Variants in PALLD observed in about 807,000 individuals in gnomAD.
The protein encoded by PALLD is palladin.
Under a neutral mutation model 123.5 loss-of-function variants are expected in PALLD, and 61 were observed. That is an observed-to-expected ratio of 0.49 (90% confidence interval 0.40 to 0.61). The LOEUF (loss-of-function observed/expected upper bound fraction) is 0.61. Ranked by LOEUF, PALLD falls within the 20% of genes least tolerant of loss-of-function variation. The pLI is 0.00. For synonymous variants in PALLD, 465 were observed against 496.4 expected (o/e 0.94, Z 0.84); for missense variants, 1,273 against 1,377.0 (o/e 0.92, Z 1.20).
In PALLD at chr4:168,711,672, A is replaced by G; in HGVS notation, c.1713A>G (p.Thr571=). Residue 571 remains threonine, a synonymous_variant, in exon 10 of 22, where the codon ACA becomes ACG. Transcript: ENST00000505667. ...HFPPPPPILE[T]SSLELASKKP... ...CACCTCCCCCTCCAATCTTGGAGACAAGTTCCTTGGAGTTGGCTTCAAAGA... is the reference window on the plus strand; with the variant it reads ...CACCTCCCCCTCCAATCTTGGAGACGAGTTCCTTGGAGTTGGCTTCAAAGA... 6.2e-7 allele frequency: 1 copy of G among 1,614,060 alleles called. No homozygotes were observed. The highest frequency in any genetic ancestry group is 8.5e-7 in the Non-Finnish European group (1 of 1,179,958).
intron 10 of PALLD, among the ~76,000 whole-genome samples, chr4:168,753,426 T>G (rs771920912): frequency 2.6e-5 from 4 of 151,012 alleles, no homozygotes; most frequent in African/African-American, 4.9e-5. Context: ...TGCTTCTGAG[T>G]TGGGAGGGAT....
intron 2 of PALLD, among the ~76,000 whole-genome samples, chr4:168,539,315 C>T (rs545305396): frequency 1.3e-5 from 2 of 152,212 alleles, no homozygotes; most frequent in Admixed American, 1.3e-4. Flanking sequence ...CCTGCCCGGG[C>T]GCGGTGGCTC....
At chr4:168,541,756 C>T (rs1561227088) in intron 2 of PALLD, among the ~76,000 whole-genome samples, 1 of 152,212 alleles carries the variant, frequency 6.6e-6, no homozygotes, top group East Asian at 1.9e-4. Context: ...CCCAGCCTCT[C>T]TTACTCATTT....
At chr4:168,800,264 A>G (rs1454377302) in intron 10 of PALLD, among the ~76,000 whole-genome samples, 1 of 152,216 alleles carries the variant, frequency 6.6e-6, no homozygotes, top group Non-Finnish European at 1.5e-5. Context: ...AGTAGTTCAA[A>G]TAAAAAAATT....
At chr4:168,685,410 T>C in intron 5 of PALLD, 75 bp from the exon 6 acceptor site, 13 of 917,684 alleles carry the variant, frequency 1.4e-5, no homozygotes, top group Non-Finnish European at 2.2e-5. Flanking sequence ...ATCCCCATAA[T>C]GAAAGGTTTC....
chr4:168,534,903 C>G (rs1764953576), intron 2 of PALLD, among the ~76,000 whole-genome samples: 1 of 152,160 alleles, frequency 6.6e-6, no homozygotes, highest in Non-Finnish European at 1.5e-5. Context: ...CTAATACAAC[C>G]TAATACAACC....
At chr4:168,536,127 A>C (rs963391560) in intron 2 of PALLD, among the ~76,000 whole-genome samples, 9 of 152,210 alleles carry the variant, frequency 5.9e-5, no homozygotes. Context: ...TCATTTTAAT[A>C]ATCTAATTAT....
intron 2 of PALLD, among the ~76,000 whole-genome samples, chr4:168,548,068 CCTT>C (rs1766348332): frequency 6.6e-6 from 1 of 152,020 alleles, no homozygotes; most frequent in African/African-American, 2.4e-5. Context: ...AAAAAAGTCT[CCTT>C]CAGGCTCAGC....
intron 3 of PALLD, 57 bp downstream of exon 3, chr4:168,668,425 C>T (rs1401488979): frequency 7.1e-7 from 1 of 1,414,090 alleles, no homozygotes; most frequent in Non-Finnish European, 9.6e-7. Context: ...CTAATGACTC[C>T]AGTATCTTGG....
At chr4:168,758,738 T>C (rs1269310669) in intron 10 of PALLD, among the ~76,000 whole-genome samples, 1 of 152,112 alleles carries the variant, frequency 6.6e-6, no homozygotes, top group Non-Finnish European at 1.5e-5. Flanking sequence ...TTTAAATGTT[T>C]TAGAATGGTT....
At position 168,844,461 on chromosome 4, in the gene PALLD, AT is replaced by A. The variant is rs1162785490; in HGVS notation, c.1965-46458del. On this transcript the variant is annotated intron_variant, in intron 10 of 21. Coordinates refer to ENST00000505667, the MANE Select transcript of PALLD (RefSeq NM_001166108.2). The surrounding 1 kb of genome is among the most constrained non-coding windows in gnomAD (Gnocchi z 4.5). The stretch of plus-strand genomic sequence containing the variant: ...GTGGGGAACCCCACAAGCCTTGAGA[AT>A]TTCAAGAATTTGTGGATTTCAGAAT... 3 of 152,262 alleles carry A rather than the reference AT, an allele frequency of 2.0e-5. No homozygotes were observed. The East Asian group carries it at 5.8e-4, about 29-fold the overall frequency. 9.4% of individuals were successfully genotyped at this position (152,262 alleles called of 1,614,324 possible). A position where few individuals can be genotyped will look rare whatever the true frequency, so the allele number is the denominator to read the frequency against.
intron 10 of PALLD, among the ~76,000 whole-genome samples, chr4:168,722,176 C>T (rs1042144127): frequency 4.6e-5 from 7 of 152,160 alleles, no homozygotes; most frequent in Non-Finnish European, 1.0e-4. Flanking sequence ...TCCCAAGTAG[C>T]TGGGACTACA....
At chr4:168,785,260 G>A (rs1736547174) in intron 10 of PALLD, among the ~76,000 whole-genome samples, 1 of 152,056 alleles carries the variant, frequency 6.6e-6, no homozygotes, top group East Asian at 1.9e-4. Flanking sequence ...TGCTAGCTAT[G>A]TGTGTGAATG....
chr4:168,828,832 T>A lies in PALLD; in HGVS notation c.1965-62090T>A, dbSNP rs562883248. ...GGCCTAAAGCAGAGACTCTGGCAGATACAGCCAGCGAAGCTGGAGGGAGTT... is the reference window on the plus strand; with the variant it reads ...GGCCTAAAGCAGAGACTCTGGCAGAAACAGCCAGCGAAGCTGGAGGGAGTT... On this transcript the variant is annotated intron_variant, in intron 10 of 21. Coordinates refer to ENST00000505667, the MANE Select transcript of PALLD (RefSeq NM_001166108.2). 97 of 152,382 alleles carry A rather than the reference T, an allele frequency of 6.4e-4. 1 individual carries two copies. The highest frequency in any genetic ancestry group is 2.1e-3 in the African/African-American group (89 of 41,598). 9.4% of individuals were successfully genotyped at this position (152,382 alleles called of 1,614,324 possible).
intron 10 of PALLD, among the ~76,000 whole-genome samples, chr4:168,774,319 T>C (rs1237670941): frequency 6.6e-6 from 1 of 152,134 alleles, no homozygotes; most frequent in Non-Finnish European, 1.5e-5. Context: ...TGCAGATAAT[T>C]TTTAACATTT....
At chr4:168,614,808 A>T (rs1212823317) in intron 2 of PALLD, among the ~76,000 whole-genome samples, 1 of 152,214 alleles carries the variant, frequency 6.6e-6, no homozygotes, top group Non-Finnish European at 1.5e-5. Context: ...TCTTTCCAAA[A>T]GCATGCGTTC....
intron 10 of PALLD, among the ~76,000 whole-genome samples, chr4:168,757,072 T>G (rs1731997003): frequency 6.6e-6 from 1 of 151,892 alleles, no homozygotes; most frequent in African/African-American, 2.4e-5. Context: ...CAAGACGAGG[T>G]CCTGGTTGAC....
chr4:168,613,502 T>C (rs1367831307), intron 2 of PALLD, among the ~76,000 whole-genome samples: 4 of 152,186 alleles, frequency 2.6e-5, no homozygotes, highest in Non-Finnish European at 5.9e-5. Flanking sequence ...TCTCTGCAAT[T>C]AATTGTGTTG....
At chr4:168,817,155 T>C (rs1018691634) in intron 10 of PALLD, among the ~76,000 whole-genome samples, 1 of 152,206 alleles carries the variant, frequency 6.6e-6, no homozygotes, top group Non-Finnish European at 1.5e-5. Flanking sequence ...ATCGTATCTA[T>C]CCCTTTCTGT....
Sources: gnomAD v4.1 joint callset for allele counts (sites outside exome capture counted in the v4.1 genomes callset) on GRCh38, gnomAD v4.1.1 for gene constraint, Gnocchi (gnomAD v3.1) non-coding constraint, MANE v1.5 for transcripts, NCBI Gene and HGNC (gene_info 2026-07-23, HGNC 2026-07-21) for gene names.